Variants in ODF2 observed in about 807,000 individuals in gnomAD.
ODF2 encodes the protein outer dense fiber protein 2.
ODF2 carries 47 observed loss-of-function variants against 110.2 expected under a neutral mutation model. The observed-to-expected ratio is 0.43, with a 90% CI of 0.34 to 0.54. The LOEUF (loss-of-function observed/expected upper bound fraction) is 0.54. ODF2 is among the 20% of genes least tolerant of loss of function. The pLI is 0.03. For missense variants in ODF2, 812 were observed against 1,054.5 expected (o/e 0.77, Z 3.19); for synonymous variants, 352 against 397.7 (o/e 0.89, Z 1.37).
chr9:128,456,996 C>T (rs1588666553), intron 1 of ODF2: 4 of 1,252,446 alleles, frequency 3.2e-6, no homozygotes, highest in African/African-American at 3.1e-5. Flanking sequence ...CCCTCTGGGG[C>T]CCACTTGGGG....
At chr9:128,479,801 G>T (rs1842073263) in intron 8 of ODF2, among the ~76,000 whole-genome samples, 1 of 152,194 alleles carries the variant, frequency 6.6e-6, no homozygotes, top group Admixed American at 6.6e-5. Flanking sequence ...ATTAGAGACA[G>T]AAAGCAGATC....
chr9:128,490,402 C>T (rs1017489592), intron 14 of ODF2, among the ~76,000 whole-genome samples: 3 of 152,016 alleles, frequency 2.0e-5, no homozygotes, highest in Admixed American at 2.0e-4. Context: ...CCTGCCTCAG[C>T]CTCCCAAGTA....
chr9:128,470,447 A>G (rs1043043944), intron 5 of ODF2, among the ~76,000 whole-genome samples: 10 of 151,862 alleles, frequency 6.6e-5, no homozygotes, highest in Admixed American at 2.0e-4. Context: ...CCTGGCCAAC[A>G]TGGTGAAACC....
chr9:128,494,434 G>T lies in ODF2; in HGVS notation c.1753-76G>T. 7.3e-7 allele frequency: 1 copy of T among 1,374,900 alleles called. No homozygotes were observed. The allele number at this position is 1,374,900 out of a possible 1,614,324, so 85.2% of individuals were successfully genotyped here. A position where few individuals can be genotyped will look rare whatever the true frequency, so the allele number is the denominator to read the frequency against. ...CCCTGCCCTAACTCTAAAGGACTCT[G>T]CCTGGCTCCACTAGGAGCCAGGTCT... On this transcript the variant is annotated intron_variant, in intron 16 of 20. Transcript: ENST00000604420. This position sits in a 1 kb window ranked among gnomAD's most constrained non-coding sequence, Gnocchi z 4.6.
intron 1 of ODF2, chr9:128,457,041 G>T (rs1835053394): frequency 1.0e-5 from 13 of 1,283,140 alleles, no homozygotes; most frequent in Non-Finnish European, 1.3e-5. Flanking sequence ...CCGCACGTCC[G>T]CCGGCGCCTC....
rs188213700 is a variant in ODF2 at position 128,458,912 on chromosome 9, A to G, written c.33-655A>G. On this transcript the variant is annotated intron_variant, in intron 2 of 20. Coordinates refer to ENST00000604420, the Ensembl canonical transcript of ODF2. ...TAGGCTGGAGTGCAGTGGCGTGGTT[A>G]CGGCTCACTGCAGCCTCCACCTCCC... is the stretch of plus-strand genomic sequence containing the variant. Among the ~76,000 whole-genome samples the G allele has an allele frequency of 5.0e-4, 76 of 151,934 alleles. 1 individual carries two copies. The highest frequency in any genetic ancestry group is 4.9e-3 in the Admixed American group (74 of 15,230).
rs768654629 is a variant in ODF2, at chr9:128,461,068, G to A, written c.249+1G>A. 2 of 1,614,006 alleles carry A rather than the reference G, an allele frequency of 1.2e-6. No individual in the cohort carries two copies. Among genetic ancestry groups the A allele is most frequent in the Non-Finnish European group, 1.7e-6 (2 of 1,179,940 alleles). ...CCGGCCTGTGGGATGCAAGTGGGAG[G>A]TAGGCTCACCCTTGCCCAGGCTTTT... On this transcript the variant is annotated splice_donor_variant, in intron 4 of 20. Transcript: ENST00000604420. LOFTEE classifies it high-confidence loss of function.
chr9:128,483,275 A>G (rs1425722315), intron 10 of ODF2, among the ~76,000 whole-genome samples: 2 of 152,170 alleles, frequency 1.3e-5, no homozygotes. Context: ...GGCCGGGTGC[A>G]GTAGCTCATG....
At chr9:128,496,900 G>C (rs1845647821) in intron 18 of ODF2, among the ~76,000 whole-genome samples, 1 of 152,014 alleles carries the variant, frequency 6.6e-6, no homozygotes, top group Non-Finnish European at 1.5e-5. Flanking sequence ...GCTAATTTTT[G>C]TATTTTTTGT....
intron 8 of ODF2, 137 bp downstream of exon 8, chr9:128,473,878 C>T: frequency 1.3e-6 from 1 of 761,650 alleles, no homozygotes; most frequent in Non-Finnish European, 2.1e-6. Context: ...AAATTGTTCA[C>T]ATGAAGTGCT....
chr9:128,456,296 G>A (rs893160087), intron 1 of ODF2, 41 bp downstream of exon 1: 36 of 1,511,344 alleles, frequency 2.4e-5, no homozygotes, highest in Non-Finnish European at 3.1e-5. Flanking sequence ...GCCCTCCGGG[G>A]CACCGCGGGC....
intron 2 of ODF2, among the ~76,000 whole-genome samples, chr9:128,458,388 G>C (rs1248238755): frequency 6.6e-6 from 1 of 151,352 alleles, no homozygotes; most frequent in Non-Finnish European, 1.5e-5. Flanking sequence ...CTTGAAGCCA[G>C]GAGGCAGAGG....
intron 4 of ODF2, among the ~76,000 whole-genome samples, chr9:128,462,843 T>A (rs1286811750): frequency 1.3e-5 from 2 of 152,174 alleles, no homozygotes; most frequent in African/African-American, 2.4e-5. Context: ...TCCGCCTACC[T>A]CAGCCTCCCA....
At chr9:128,482,977 C>G (rs1229091240) in intron 10 of ODF2, 90 bp downstream of exon 10, 1 of 963,446 alleles carries the variant, frequency 1.0e-6, no homozygotes, top group Non-Finnish European at 1.5e-6. Flanking sequence ...CTCGCTGCAA[C>G]CTCTGCCTCC....
chr9:128,494,940 C>A lies in ODF2; in HGVS notation c.1911+272C>A. 1.0e-6 allele frequency: 1 copy of A among 965,550 alleles called. No homozygotes were observed. The highest frequency in any genetic ancestry group is 1.5e-6 in the Non-Finnish European group (1 of 674,598). 59.8% of individuals were successfully genotyped at this position (965,550 alleles called of 1,614,324 possible). A position where few individuals can be genotyped will look rare whatever the true frequency, so the allele number is the denominator to read the frequency against. Reference sequence around the variant, plus strand: ...CCCCACCCAAGACTGCTGCCTCTGCCTGTGTGCTCCGCAGCTGTCCTCAGC... The same window carrying A: ...CCCCACCCAAGACTGCTGCCTCTGCATGTGTGCTCCGCAGCTGTCCTCAGC... On this transcript the variant is annotated intron_variant, in intron 17 of 20. Coordinates refer to ENST00000604420, the Ensembl canonical transcript of ODF2. The surrounding 1 kb of genome is among the most constrained non-coding windows in gnomAD (Gnocchi z 4.6).
At chr9:128,498,980 T>G (rs1445902882) in intron 19 of ODF2, 21 bp from the exon 20 acceptor site, 1 of 1,612,556 alleles carries the variant, frequency 6.2e-7, no homozygotes, top group African/African-American at 1.3e-5. Flanking sequence ...CAGTCTCATG[T>G]CTGGGCCTTT....
At chr9:128,456,076 G>T, upstream of ODF2, 1 of 1,525,590 alleles carries the variant, frequency 6.6e-7, no homozygotes, top group South Asian at 1.2e-5. Flanking sequence ...GCTCCCGGGG[G>T]GGTTTGAACT....
At chr9:128,488,161 C>T in intron 14 of ODF2, 136 bp downstream of exon 14, 3 of 1,032,382 alleles carry the variant, frequency 2.9e-6, no homozygotes, top group African/African-American at 1.6e-5. Context: ...GGCATGGTGG[C>T]TTAGGCCTGT....
chr9:128,457,519 TC>T, intron 2 of ODF2: 1 of 1,465,294 alleles, frequency 6.8e-7, no homozygotes, highest in Non-Finnish European at 9.1e-7. Flanking sequence ...GCCTGAGGCT[TC>T]CAGCTTCCTC....
Sources: allele counts gnomAD v4.1 joint callset (sites outside exome capture counted in the v4.1 genomes callset), GRCh38; gene constraint gnomAD v4.1.1; non-coding constraint Gnocchi (gnomAD v3.1); transcripts MANE v1.5; gene names NCBI Gene and HGNC (gene_info 2026-07-23, HGNC 2026-07-21).